Variants in WIF1 observed in about 807,000 individuals in gnomAD.
The protein encoded by WIF1 is Wnt inhibitory factor 1.
A neutral mutation model predicts 53.5 loss-of-function variants in WIF1; 35 were observed. The observed-to-expected ratio is 0.65, with a 90% confidence interval of 0.50 to 0.87. The LOEUF (loss-of-function observed/expected upper bound fraction) is 0.87. Among genes scored for constraint, WIF1 ranks in the 40% least tolerant of loss-of-function variants. WIF1 has a pLI of 0.00. For synonymous variants in WIF1, 171 were observed against 170.4 expected (o/e 1.00, Z -0.03); for missense variants, 467 against 476.8 (o/e 0.98, Z 0.19).
chr12:65,053,516 T>C (rs986541166), intron 9 of WIF1, among the ~76,000 whole-genome samples: 2 of 152,278 alleles, frequency 1.3e-5, no homozygotes, highest in Middle Eastern at 3.4e-3. Flanking sequence ...CTATGGTCAT[T>C]CTCTCTCCTT....
chr12:65,054,146 A>G (rs1290065354), intron 9 of WIF1: 6 of 147,312 alleles, frequency 4.1e-5, no homozygotes, highest in Admixed American at 1.4e-4. Flanking sequence ...CCTGGATTCA[A>G]GAAATCCTCT....
chr12:65,114,592 A>G (rs1883481228), intron 2 of WIF1, among the ~76,000 whole-genome samples: 1 of 152,176 alleles, frequency 6.6e-6, no homozygotes, highest in African/African-American at 2.4e-5. Flanking sequence ...GTTTTTTTAA[A>G]TTGATAGGGA....
chr12:65,083,355 A>G (rs922248333), intron 2 of WIF1, among the ~76,000 whole-genome samples: 1 of 152,200 alleles, frequency 6.6e-6, no homozygotes, highest in African/African-American at 2.4e-5. Context: ...ATCTAGAGCA[A>G]AAATTGCCAG....
intron 3 of WIF1, among the ~76,000 whole-genome samples, chr12:65,077,462 T>C (rs902499743): frequency 2.0e-5 from 3 of 152,188 alleles, no homozygotes; most frequent in African/African-American, 7.2e-5. Flanking sequence ...ACCAGATGTG[T>C]TTCTTTCTCC....
chr12:65,063,107 G>C (rs1343420781), intron 6 of WIF1, among the ~76,000 whole-genome samples: 1 of 152,162 alleles, frequency 6.6e-6, no homozygotes, highest in Non-Finnish European at 1.5e-5. Context: ...TCGGAGAAAA[G>C]AGTAACTGTA....
chr12:65,088,013 G>T (rs1018671525), intron 2 of WIF1, among the ~76,000 whole-genome samples: 6 of 152,078 alleles, frequency 3.9e-5, no homozygotes, highest in Non-Finnish European at 8.8e-5. Context: ...CTAATCATTT[G>T]CTATTTAAAA....
intron 7 of WIF1, 81 bp from the exon 8 acceptor site, chr12:65,056,207 G>A: frequency 7.6e-7 from 1 of 1,307,300 alleles, no homozygotes; most frequent in Non-Finnish European, 1.1e-6. Flanking sequence ...GGAATTACAA[G>A]GCTTTGAGAG....
At chr12:65,059,321 T>G (rs1381090467) in intron 7 of WIF1, among the ~76,000 whole-genome samples, 1 of 152,218 alleles carries the variant, frequency 6.6e-6, no homozygotes, top group Non-Finnish European at 1.5e-5. Flanking sequence ...CTCTGGGTTT[T>G]AGGATTATAG....
intron 8 of WIF1, among the ~76,000 whole-genome samples, chr12:65,055,730 G>T (rs1048889645): frequency 6.6e-6 from 1 of 152,186 alleles, no homozygotes; most frequent in Non-Finnish European, 1.5e-5. Flanking sequence ...GGCCTAGATC[G>T]CGCCACTGCA....
intron 3 of WIF1, among the ~76,000 whole-genome samples, chr12:65,071,031 T>C (rs1376915653): frequency 6.6e-6 from 1 of 150,810 alleles, no homozygotes; most frequent in East Asian, 2.0e-4. Context: ...AGATCAGGAG[T>C]TGGAGACCAG....
intron 2 of WIF1, among the ~76,000 whole-genome samples, chr12:65,115,171 T>A (rs1258385748): frequency 1.9e-5 from 2 of 103,148 alleles, no homozygotes; most frequent in Non-Finnish European, 4.1e-5. Flanking sequence ...CCTTTGTCAT[T>A]GCTAAAAAAA....
chr12:65,055,998 AG>A, intron 8 of WIF1, 32 bp downstream of exon 8: 1 of 1,595,228 alleles, frequency 6.3e-7, no homozygotes, highest in Non-Finnish European at 8.6e-7. Context: ...ACGACCTAGT[AG>A]CCCAGATTGG....
chr12:65,080,733 G>A (rs1355867558), intron 2 of WIF1, among the ~76,000 whole-genome samples: 1 of 152,148 alleles, frequency 6.6e-6, no homozygotes, highest in African/African-American at 2.4e-5. Context: ...TGCACACCAT[G>A]TGCCAAAACA....
chr12:65,111,038 G>T (rs1883422642), intron 2 of WIF1, among the ~76,000 whole-genome samples: 1 of 152,196 alleles, frequency 6.6e-6, no homozygotes, highest in African/African-American at 2.4e-5. Context: ...AACTTCACGT[G>T]CAAAGGCCCT....
At chr12:65,068,736 C>G in intron 4 of WIF1, 28 bp downstream of exon 4, 1 of 1,609,492 alleles carries the variant, frequency 6.2e-7, no homozygotes, top group South Asian at 1.1e-5. Flanking sequence ...TACAACATGT[C>G]TTCTCTTGAA....
chr12:65,055,039 C>T, intron 9 of WIF1, 79 bp downstream of exon 9: 1 of 1,433,160 alleles, frequency 7.0e-7, no homozygotes. Flanking sequence ...AGTGAAAAGG[C>T]TGGCCCTTCT....
intron 2 of WIF1, among the ~76,000 whole-genome samples, chr12:65,113,834 A>C (rs1334949302): frequency 6.6e-6 from 1 of 152,230 alleles, no homozygotes; most frequent in East Asian, 1.9e-4. Context: ...TCCTGAAAAA[A>C]ATCATGCCCA....
chr12:65,053,349 C>A (rs1163643101), intron 9 of WIF1, among the ~76,000 whole-genome samples: 1 of 152,170 alleles, frequency 6.6e-6, no homozygotes, highest in Non-Finnish European at 1.5e-5. Flanking sequence ...CCACCCAAAT[C>A]TCATCTTGAA....
At chr12:65,080,196 C>G (rs569449961) in intron 2 of WIF1, among the ~76,000 whole-genome samples, 1 of 152,140 alleles carries the variant, frequency 6.6e-6, no homozygotes, top group Non-Finnish European at 1.5e-5. Flanking sequence ...CTTCATGGAC[C>G]AAATTCCCAC....
Sources: allele counts gnomAD v4.1 joint callset (sites outside exome capture counted in the v4.1 genomes callset), GRCh38; gene constraint gnomAD v4.1.1; transcripts MANE v1.5; gene names NCBI Gene and HGNC (gene_info 2026-07-23, HGNC 2026-07-21).